The following HYCC1 variants were observed in gnomAD, a reference collection of about 807,000 sequenced individuals.
The protein encoded by HYCC1 is hyccin PI4KA lipid kinase complex subunit 1.
the HYCC1 span, chr7:22,937,374 C>A: frequency 6.6e-6 from 1 of 152,114 alleles, no homozygotes; most frequent in Non-Finnish European, 1.5e-5. Context: ...CTGATTAGTC[C>A]AGATACCATT....
chr7:22,933,334 C>T, the HYCC1 span, among the ~76,000 whole-genome samples: 23 of 152,102 alleles, frequency 1.5e-4, no homozygotes, highest in Middle Eastern at 6.8e-3. Flanking sequence ...ATTTTTGCTT[C>T]GTGTATTTTG....
At chr7:22,904,030 G>T in the HYCC1 span, among the ~76,000 whole-genome samples, 1 of 152,088 alleles carries the variant, frequency 6.6e-6, no homozygotes, top group Non-Finnish European at 1.5e-5. Context: ...TAATATTCAA[G>T]CTGATAAAAC....
the HYCC1 span, chr7:22,936,983 T>A: frequency 1.3e-5 from 2 of 152,172 alleles, no homozygotes; most frequent in African/African-American, 4.8e-5. Context: ...AAATTCAACT[T>A]GGTGGATATA....
the HYCC1 span, among the ~76,000 whole-genome samples, chr7:22,925,526 G>A: frequency 1.3e-5 from 2 of 152,194 alleles, no homozygotes; most frequent in African/African-American, 4.8e-5. Flanking sequence ...CGAGAACTAC[G>A]TGACAAATGC....
At chr7:22,989,438 C>T in the HYCC1 span, among the ~76,000 whole-genome samples, 1 of 152,134 alleles carries the variant, frequency 6.6e-6, no homozygotes, top group Non-Finnish European at 1.5e-5. Flanking sequence ...ACTTTGAATT[C>T]CTGGGCTCAA....
the HYCC1 span, chr7:22,960,530 G>T: frequency 1.2e-6 from 1 of 815,952 alleles, no homozygotes. Context: ...CTCTTCCCAA[G>T]CATTTTATAA....
chr7:22,986,576 G>A, the HYCC1 span, among the ~76,000 whole-genome samples: 16 of 152,326 alleles, frequency 1.1e-4, no homozygotes, highest in South Asian at 2.7e-3. Context: ...CGCTGGGCGC[G>A]ATGGCTCACG....
At chr7:22,967,813 G>C in the HYCC1 span, among the ~76,000 whole-genome samples, 32 of 152,140 alleles carry the variant, frequency 2.1e-4, no homozygotes, top group African/African-American at 6.8e-4. Flanking sequence ...TTGAATAGCT[G>C]ACCACATGAC....
the HYCC1 span, among the ~76,000 whole-genome samples, chr7:22,987,588 A>G: frequency 6.6e-6 from 1 of 152,194 alleles, no homozygotes; most frequent in Non-Finnish European, 1.5e-5. Context: ...GTCCATAGCT[A>G]GAGCAGACAA....
At chr7:23,006,401 C>T in the HYCC1 span, among the ~76,000 whole-genome samples, 31 of 152,048 alleles carry the variant, frequency 2.0e-4, no homozygotes, top group African/African-American at 7.0e-4. Flanking sequence ...CAAGTAGCTG[C>T]GACTACAGGC....
chr7:22,958,059 A>C, the HYCC1 span, among the ~76,000 whole-genome samples: 2 of 151,934 alleles, frequency 1.3e-5, no homozygotes, highest in Admixed American at 6.6e-5. Context: ...TAATTTGAGA[A>C]TTGTCTATAT....
At chr7:22,931,350 G>T in the HYCC1 span, among the ~76,000 whole-genome samples, 1 of 151,484 alleles carries the variant, frequency 6.6e-6, no homozygotes, top group Non-Finnish European at 1.5e-5. Flanking sequence ...CAGGCTTTTA[G>T]CCTCCAGAAC....
At chr7:22,936,034 G>GA in the HYCC1 span, 1 of 149,418 alleles carries the variant, frequency 6.7e-6, no homozygotes, top group Non-Finnish European at 1.5e-5. Flanking sequence ...TCCCATGACT[G>GA]AAAGTGTAAT....
chr7:22,957,412 G>A, the HYCC1 span, among the ~76,000 whole-genome samples: 4 of 151,196 alleles, frequency 2.6e-5, no homozygotes, highest in Middle Eastern at 3.4e-3. Flanking sequence ...GGAGAAATTA[G>A]AGGAAATGCA....
the HYCC1 span, among the ~76,000 whole-genome samples, chr7:22,992,410 T>C: frequency 6.6e-6 from 1 of 152,104 alleles, no homozygotes; most frequent in Non-Finnish European, 1.5e-5. Context: ...TGTACTGTAT[T>C]ATTGATTTTA....
the HYCC1 span, among the ~76,000 whole-genome samples, chr7:22,948,273 T>G: frequency 1.3e-5 from 2 of 152,094 alleles, no homozygotes; most frequent in South Asian, 4.1e-4. Context: ...GGACATCACC[T>G]ACTATTTTCA....
the HYCC1 span, among the ~76,000 whole-genome samples, chr7:22,926,080 CTA>C: frequency 1.1e-4 from 17 of 151,430 alleles, no homozygotes; most frequent in African/African-American, 4.1e-4. Context: ...TCCAGCCAAA[CTA>C]AGCTTCATAA....
At chr7:22,923,514 C>A in the HYCC1 span, among the ~76,000 whole-genome samples, 1 of 151,344 alleles carries the variant, frequency 6.6e-6, no homozygotes, top group African/African-American at 2.4e-5. Flanking sequence ...AAGAAAAGAA[C>A]GAAACTCAAA....
At chr7:22,968,971 G>A in the HYCC1 span, among the ~76,000 whole-genome samples, 1 of 151,918 alleles carries the variant, frequency 6.6e-6, no homozygotes, top group Non-Finnish European at 1.5e-5. Context: ...GGGAGACAGA[G>A]CGAGACTCCA....
Sources: allele counts gnomAD v4.1 joint callset (sites outside exome capture counted in the v4.1 genomes callset), GRCh38; gene constraint gnomAD v4.1.1; transcripts MANE v1.5; gene names NCBI Gene and HGNC (gene_info 2026-07-23, HGNC 2026-07-21).